TCP11L1: variants seen among roughly 807,000 people sequenced by gnomAD.
TCP11L1 encodes the protein t-complex 11 like 1.
Under a neutral mutation model 48.9 loss-of-function variants are expected in TCP11L1, and 28 were observed. The ratio of observed to expected loss-of-function variants is 0.57; its 90% CI spans 0.42 to 0.78. The LOEUF is 0.78. Among genes scored for constraint, TCP11L1 ranks in the 30% least tolerant of loss-of-function variants. TCP11L1 has a pLI of 0.00. For synonymous variants in TCP11L1, 204 were observed against 231.9 expected (o/e 0.88, Z 1.09); for missense variants, 505 against 613.4 (o/e 0.82, Z 1.87).
At chr11:33,072,403 AGAACT>A in intron 9 of TCP11L1, 66 bp from the exon 10 acceptor site, 1 of 1,539,920 alleles carries the variant, frequency 6.5e-7, no homozygotes, top group African/African-American at 1.4e-5. Context: ...GGTTAAGCTA[AGAACT>A]GAAGCACAGT....
chr11:33,066,123 A>G, intron 8 of TCP11L1, 112 bp downstream of exon 8: 2 of 1,362,056 alleles, frequency 1.5e-6, no homozygotes, highest in Non-Finnish European at 2.0e-6. Context: ...CTCTCTAGGA[A>G]CTGAGAAGAA....
At chr11:33,044,678 G>A (rs1383411286) in intron 2 of TCP11L1, among the ~76,000 whole-genome samples, 2 of 152,182 alleles carry the variant, frequency 1.3e-5, no homozygotes, top group African/African-American at 4.8e-5. Flanking sequence ...CTTCTAAAAT[G>A]ATCAAAGCCC....
At position 33,039,742 on chromosome 11, in the gene TCP11L1, G is replaced by T. The variant is rs1293150697; in HGVS notation, c.-75G>T. 3 of 152,312 alleles carry T rather than the reference G, an allele frequency of 2.0e-5. No individual in the cohort carries two copies. The highest frequency in any genetic ancestry group is 4.4e-5 in the Non-Finnish European group (3 of 68,076). 9.4% of individuals were successfully genotyped at this position (152,312 alleles called of 1,614,324 possible). ...GGCTTCCGCCGCGGCGCCAGCCCGC[G>T]CCTGATTCGCGGCGGGAGCGGCAGG... On this transcript the variant is annotated 5_prime_UTR_variant, in exon 1 of 10. Transcript: ENST00000334274.
chr11:33,053,095 C>T (rs906846603), intron 2 of TCP11L1, among the ~76,000 whole-genome samples: 3 of 149,836 alleles, frequency 2.0e-5, no homozygotes, highest in Admixed American at 6.6e-5. Flanking sequence ...TTCACAAGTC[C>T]TCCCTCTGAC....
intron 7 of TCP11L1, among the ~76,000 whole-genome samples, chr11:33,064,943 A>G (rs373934454): frequency 6.6e-6 from 1 of 152,210 alleles, no homozygotes; most frequent in Non-Finnish European, 1.5e-5. Context: ...GGCACCCACC[A>G]TCGCACCTGG....
chr11:33,051,410 G>A (rs909696537), intron 2 of TCP11L1, among the ~76,000 whole-genome samples: 8 of 151,452 alleles, frequency 5.3e-5, no homozygotes, highest in Admixed American at 1.3e-4. Context: ...CTTGTGGTCC[G>A]CTCGCCTCAG....
intron 7 of TCP11L1, among the ~76,000 whole-genome samples, chr11:33,064,486 C>T (rs1182738675): frequency 6.6e-6 from 1 of 152,202 alleles, no homozygotes; most frequent in Non-Finnish European, 1.5e-5. Flanking sequence ...AGATTCCCAT[C>T]TGTGCAGCCT....
At chr11:33,061,502 G>A in intron 6 of TCP11L1, 28 bp from the exon 7 acceptor site, 1 of 1,547,486 alleles carries the variant, frequency 6.5e-7, no homozygotes, top group Non-Finnish European at 8.7e-7. Flanking sequence ...TGGTGTCAAG[G>A]TAATGTGTGC....
chr11:33,072,730 C>A lies in TCP11L1; in HGVS notation c.*54C>A. ...ACTCACTAGCCACAGAATACCTGTT[C>A]TGTACTCTAATGTTGCATTGGAAAA... On this transcript the variant is annotated 3_prime_UTR_variant, in exon 10 of 10. Transcript: ENST00000334274. 1.3e-6 allele frequency: 2 copies of A among 1,594,320 alleles called. No homozygotes were observed. Among genetic ancestry groups the A allele is most frequent in the Non-Finnish European group, 1.7e-6 (2 of 1,163,240 alleles).
chr11:33,045,237 C>G (rs1853954209), intron 2 of TCP11L1, among the ~76,000 whole-genome samples: 1 of 151,820 alleles, frequency 6.6e-6, no homozygotes, highest in Non-Finnish European at 1.5e-5. Flanking sequence ...CCTATAGTCC[C>G]AGCTACTTGT....
chr11:33,065,881 C>T lies in TCP11L1; in HGVS notation c.1024C>T (p.Gln342Ter). ...CCACGAGCTCCAGTTGCAGCTGGAACAACTGACCATCCTGGGGGCTGTGTT... is the reference window on the plus strand; with the variant it reads ...CCACGAGCTCCAGTTGCAGCTGGAATAACTGACCATCCTGGGGGCTGTGTT... Reference protein sequence around the residue: ...RFHELQLQLEQLTILGAVLLV... With the variant: ...RFHELQLQLE The change falls in exon 8 of 10, where the codon CAA becomes TAA. Residue 342 changes from glutamine to a stop codon, truncating the protein, a stop_gained. Coordinates refer to ENST00000334274, the MANE Select transcript of TCP11L1 (RefSeq NM_018393.4). LOFTEE classifies it high-confidence loss of function. The T allele has an allele frequency of 6.2e-7, 1 of 1,614,152 alleles. No individual in the cohort carries two copies. The highest frequency in any genetic ancestry group is 8.5e-7 in the Non-Finnish European group (1 of 1,179,984).
chr11:33,044,050 C>A, intron 2 of TCP11L1, 114 bp downstream of exon 2: 1 of 1,074,372 alleles, frequency 9.3e-7, no homozygotes, highest in Non-Finnish European at 1.3e-6. Flanking sequence ...TATAACATTG[C>A]CAATGTAGCA....
chr11:33,044,115 A>G (rs545461077), intron 2 of TCP11L1, 179 bp downstream of exon 2: 2 of 541,930 alleles, frequency 3.7e-6, no homozygotes, highest in Admixed American at 3.9e-5. Flanking sequence ...TGGATTTTCA[A>G]TTGCATGGGA....
At chr11:33,043,430 G>T (rs887498698) in intron 1 of TCP11L1, among the ~76,000 whole-genome samples, 4 of 152,194 alleles carry the variant, frequency 2.6e-5, no homozygotes, top group African/African-American at 9.7e-5. Flanking sequence ...AATTGTAGCA[G>T]CAGGTAGTTT....
At chr11:33,063,971 G>A in intron 7 of TCP11L1, among the ~76,000 whole-genome samples, 1 of 152,026 alleles carries the variant, frequency 6.6e-6, no homozygotes, top group East Asian at 1.9e-4. Flanking sequence ...AGCTGTGGGA[G>A]ACCATCCAAT....
intron 2 of TCP11L1, among the ~76,000 whole-genome samples, chr11:33,049,062 C>T (rs1396221903): frequency 6.6e-6 from 1 of 152,026 alleles, no homozygotes; most frequent in African/African-American, 2.4e-5. Flanking sequence ...CCATCCTGGC[C>T]AACATGGTGA....
chr11:33,058,547 TAA>T (rs76529612), intron 5 of TCP11L1, among the ~76,000 whole-genome samples: 11 of 143,614 alleles, frequency 7.7e-5, no homozygotes, highest in Non-Finnish European at 6.0e-5. Context: ...CTCATGGATT[TAA>T]AAAAAAAAAA....
In TCP11L1 at chr11:33,058,952, C is replaced by T. The variant is rs1336620902; in HGVS notation, c.639-7C>T. The T allele has an allele frequency of 5.6e-6, 9 of 1,608,988 alleles. No individual in the cohort carries two copies. The African/African-American group carries it at 1.1e-4, about 19-fold the overall frequency. On this transcript the variant is annotated splice_region_variant and splice_polypyrimidine_tract_variant and intron_variant, in intron 5 of 9. Transcript: ENST00000334274. ...AATGCTTGCTTCTAAATCCTTTTTT[C>T]TTTCAGAGAAATTTTTTCTGTGTTG... is the stretch of plus-strand genomic sequence containing the variant.
chr11:33,059,288 T>G (rs1323612097), intron 6 of TCP11L1, among the ~76,000 whole-genome samples, 193 bp downstream of exon 6: 2 of 152,194 alleles, frequency 1.3e-5, no homozygotes, highest in African/African-American at 2.4e-5. Context: ...AAAACTTAAT[T>G]CACAAGCAAA....
Sources: allele counts gnomAD v4.1 joint callset (sites outside exome capture counted in the v4.1 genomes callset), GRCh38; gene constraint gnomAD v4.1.1; transcripts MANE v1.5; gene names NCBI Gene and HGNC (gene_info 2026-07-23, HGNC 2026-07-21).